The following ARHGAP22 variants were observed in gnomAD, a reference collection of about 807,000 sequenced individuals.
The protein encoded by ARHGAP22 is Rho GTPase activating protein 22, also known as rho GTPase-activating protein 22.
A neutral mutation model predicts 59.1 loss-of-function variants in ARHGAP22; 48 were observed. That is an observed-to-expected ratio of 0.81 (90% confidence interval 0.64 to 1.03). The LOEUF is 1.03. Ranked by LOEUF, ARHGAP22 falls within the 50% of genes least tolerant of loss-of-function variation. The pLI, the probability that ARHGAP22 is intolerant of heterozygous loss-of-function variation, is 0.00. For missense variants in ARHGAP22, 1,015 were observed against 958.7 expected (o/e 1.06, Z -0.78); for synonymous variants, 445 against 416.4 (o/e 1.07, Z -0.84).
chr10:48,652,491 G>A (rs753220487), exon 1 of ARHGAP22: 16 of 594,010 alleles, frequency 2.7e-5, no homozygotes, highest in South Asian at 6.4e-5. Context: ...TTCATTAAGC[G>A]TAAGTGCATC....
chr10:48,486,560 G>C (rs962585428), intron 3 of ARHGAP22, among the ~76,000 whole-genome samples: 7 of 152,084 alleles, frequency 4.6e-5, no homozygotes, highest in Non-Finnish European at 7.3e-5. Flanking sequence ...GGCTGTTCTC[G>C]AACTCCTGAC....
chr10:48,508,092 C>A (rs1008587803), intron 3 of ARHGAP22, among the ~76,000 whole-genome samples: 8 of 152,108 alleles, frequency 5.3e-5, no homozygotes, highest in African/African-American at 1.9e-4. Flanking sequence ...GCTGGGGTGG[C>A]CACTCTCCTT....
chr10:48,461,992 C>G (rs1291426408), intron 4 of ARHGAP22, among the ~76,000 whole-genome samples: 3 of 152,236 alleles, frequency 2.0e-5, no homozygotes, highest in Non-Finnish European at 4.4e-5. Context: ...AATGCTCCTC[C>G]TCACCCTGCT....
intron 2 of ARHGAP22, among the ~76,000 whole-genome samples, chr10:48,579,856 ACATG>A (rs1263259277): frequency 6.6e-5 from 10 of 152,200 alleles, no homozygotes; most frequent in Admixed American, 6.5e-4. Flanking sequence ...TTAGTCTATT[ACATG>A]CCGTTCATGC....
At chr10:48,632,815 T>C (rs2061673772) in intron 1 of ARHGAP22, among the ~76,000 whole-genome samples, 1 of 152,214 alleles carries the variant, frequency 6.6e-6, no homozygotes, top group Non-Finnish European at 1.5e-5. Context: ...AGCGAAATCA[T>C]TGATTTTAAG....
chr10:48,655,007 T>TTCCTCTCCCTCTCCCTCTCCCTCTCC (rs1565069519), upstream of ARHGAP22, among the ~76,000 whole-genome samples: 14 of 84,900 alleles, frequency 1.6e-4, no homozygotes, highest in African/African-American at 6.2e-4. Flanking sequence ...TCTCTTTCTT[T>TTCCTCTCCCTCTCCCTCTCCCTCTCC]CTCTTTCTTT....
chr10:48,541,068 T>C (rs1318212263), intron 3 of ARHGAP22, among the ~76,000 whole-genome samples: 2 of 151,834 alleles, frequency 1.3e-5, no homozygotes, highest in Non-Finnish European at 2.9e-5. Flanking sequence ...GGCCCCAGGG[T>C]CTGTATTTCC....
intron 1 of ARHGAP22, chr10:48,652,176 G>A: frequency 1.3e-6 from 2 of 1,482,360 alleles, no homozygotes; most frequent in Non-Finnish European, 1.8e-6. Context: ...CATCCCTCAA[G>A]CAAGAAGTCA....
At chr10:48,570,130 A>C (rs1432530718) in intron 2 of ARHGAP22, among the ~76,000 whole-genome samples, 1 of 152,256 alleles carries the variant, frequency 6.6e-6, no homozygotes, top group Non-Finnish European at 1.5e-5. Flanking sequence ...AAGTTAGTAA[A>C]TAAATTTATA....
At position 48,625,744 on chromosome 10, in the gene ARHGAP22, T is replaced by G. The variant is rs150482125; in HGVS notation, c.52+26490A>C. On this transcript the variant is annotated intron_variant, in intron 1 of 9. Coordinates refer to the ARHGAP22 transcript ENST00000435790. ...CACACACACACACACACACACCTGC[T>G]TTGCTGGGCTTTCCTTCTGGGTCAG... 2.7e-4 allele frequency among the ~76,000 whole-genome samples: 39 copies of G among 145,606 alleles called. No homozygotes were observed. The South Asian group carries it at 5.2e-3, about 19-fold the overall frequency.
chr10:48,501,953 A>G (rs2051570202), intron 3 of ARHGAP22, among the ~76,000 whole-genome samples: 1 of 152,132 alleles, frequency 6.6e-6, no homozygotes, highest in Admixed American at 6.5e-5. Flanking sequence ...CTCTCAGGAG[A>G]GGCTCTGAAG....
intron 3 of ARHGAP22, among the ~76,000 whole-genome samples, chr10:48,515,093 A>G (rs1364638423): frequency 6.6e-6 from 1 of 152,204 alleles, no homozygotes; most frequent in East Asian, 1.9e-4. Flanking sequence ...CTGTATTATC[A>G]GTAATTACAT....
chr10:48,518,376 G>C (rs1372089673), intron 3 of ARHGAP22, among the ~76,000 whole-genome samples: 1 of 152,186 alleles, frequency 6.6e-6, no homozygotes, highest in African/African-American at 2.4e-5. Context: ...CTTAGTGAGG[G>C]AACAGATTGT....
At chr10:48,443,599 G>C (rs193034014), downstream of ARHGAP22, among the ~76,000 whole-genome samples, 60 of 152,258 alleles carry the variant, frequency 3.9e-4, no homozygotes, top group Admixed American at 1.0e-3. Context: ...TGTCACAGCT[G>C]CTTAGCTAGG....
chr10:48,450,638 C>A lies in ARHGAP22; in HGVS notation c.1491G>T (p.Ala497=). 4 of 1,549,692 alleles carry A rather than the reference C, an allele frequency of 2.6e-6. No individual in the cohort carries two copies. The highest frequency in any genetic ancestry group is 3.5e-6 in the Non-Finnish European group (4 of 1,146,942). The change falls in exon 9 of 10, where the codon GCG becomes GCT. Residue 497 remains alanine (A), a synonymous_variant. Transcript: ENST00000249601. ...TGGGTATGCCGGGGACCAGGCCCGG[C>A]GCGGGCACATTGTCGTAGGTGGAGA... ...QRLSTYDNVP[A]PGLVPGIPSV... is the part of the protein sequence containing the mutation.
At chr10:48,631,044 T>G (rs1422188027) in intron 1 of ARHGAP22, among the ~76,000 whole-genome samples, 1 of 152,242 alleles carries the variant, frequency 6.6e-6, no homozygotes, top group Non-Finnish European at 1.5e-5. Flanking sequence ...TCATATGATT[T>G]TTCTTCTTTA....
At chr10:48,542,933 G>A (rs1223866332) in intron 3 of ARHGAP22, among the ~76,000 whole-genome samples, 6 of 152,188 alleles carry the variant, frequency 3.9e-5, no homozygotes, top group South Asian at 2.1e-4. Context: ...GAGCTGGGGA[G>A]GCTGAGCCCA....
chr10:48,553,603 C>T (rs78744016), intron 3 of ARHGAP22, among the ~76,000 whole-genome samples: 1 of 152,186 alleles, frequency 6.6e-6, no homozygotes, highest in Admixed American at 6.5e-5. Context: ...CATTCCCTAT[C>T]TTAGAGGGAT....
intron 2 of ARHGAP22, chr10:48,575,122 C>G (rs1405792153): frequency 1.3e-5 from 2 of 152,180 alleles, no homozygotes; most frequent in African/African-American, 4.8e-5. Context: ...TGCTCCTGCT[C>G]TGGCCATGTG....
Sources: allele counts gnomAD v4.1 joint callset (sites outside exome capture counted in the v4.1 genomes callset), GRCh38; gene constraint gnomAD v4.1.1; transcripts MANE v1.5; gene names NCBI Gene and HGNC (gene_info 2026-07-23, HGNC 2026-07-21).